Variants in ARMH3 observed in about 807,000 individuals in gnomAD.
ARMH3 encodes the protein armadillo-like helical domain-containing protein 3.
A neutral mutation model predicts 99.1 loss-of-function variants in ARMH3; 60 were observed. That is an observed-to-expected ratio of 0.61 (90% CI 0.49 to 0.75). ARMH3 has a LOEUF of 0.75. Among genes scored for constraint, ARMH3 ranks in the 30% least tolerant of loss-of-function variants. ARMH3 has a pLI of 0.00. For missense variants in ARMH3, 679 were observed against 843.1 expected, an observed-to-expected ratio of 0.81 and a Z score of 2.41; for synonymous variants, 285 against 292.8, an observed-to-expected ratio of 0.97 and a Z score of 0.27.
intron 24 of ARMH3, among the ~76,000 whole-genome samples, chr10:101,873,368 C>G (rs1335883168): frequency 6.6e-6 from 1 of 151,808 alleles, no homozygotes. Context: ...GCCGAGATCG[C>G]GCCACTGCAC....
rs186486200 is a variant in ARMH3, at chr10:101,961,923, G to A, written c.1496-4191C>T. 1.2e-3 allele frequency among the ~76,000 whole-genome samples: 181 copies of A among 152,360 alleles called. 1 individual carries two copies. The highest frequency in any genetic ancestry group is 2.8e-4 in the Non-Finnish European group (19 of 68,044). On this transcript the variant is annotated intron_variant, in intron 20 of 25. Coordinates refer to ENST00000370033, the MANE Select transcript of ARMH3 (RefSeq NM_024541.3). ...GTAAATGTTGCAGTCATGAAGATAT[G>A]AGGGACAGGATGTACCATTTAATTT...
chr10:101,969,617 A>AT (rs1196571559), intron 20 of ARMH3, among the ~76,000 whole-genome samples: 1 of 152,170 alleles, frequency 6.6e-6, no homozygotes, highest in African/African-American at 2.4e-5. Flanking sequence ...TGGGTTTTCC[A>AT]TTTTTCCCAG....
At chr10:101,900,558 G>C (rs1350116085) in intron 23 of ARMH3, among the ~76,000 whole-genome samples, 1 of 152,128 alleles carries the variant, frequency 6.6e-6, no homozygotes, top group Non-Finnish European at 1.5e-5. Context: ...ACAAAAACCT[G>C]AAATATTTTA....
At chr10:101,852,798 C>T (rs200566471) in intron 24 of ARMH3, among the ~76,000 whole-genome samples, 2 of 151,632 alleles carry the variant, frequency 1.3e-5, no homozygotes, top group Non-Finnish European at 2.9e-5. Flanking sequence ...AATCCAGAAG[C>T]CTGGCTGGAC....
At chr10:101,967,531 G>A (rs1281821849) in intron 20 of ARMH3, among the ~76,000 whole-genome samples, 1 of 152,200 alleles carries the variant, frequency 6.6e-6, no homozygotes, top group African/African-American at 2.4e-5. Flanking sequence ...AAGGTCAGGA[G>A]TTCAAGACCA....
Position 101,956,605 on chromosome 10 carries a change from T to C in ARMH3, c.1697A>G (p.Tyr566Cys), listed in dbSNP as rs758509939. 4 of 1,612,998 alleles carry C rather than the reference T, an allele frequency of 2.5e-6. No individual in the cohort carries two copies. The African/African-American group carries it at 4.0e-5, about 16-fold the overall frequency. ...AAGAAAAGGCAGCTTACCCATGGAG[T>C]AGAGGTTGTCAAAGCTCTGGTGCAT... Reference protein sequence around the residue: ...IRMHQSFDNLYSMVLRLSTNA... With the variant: ...IRMHQSFDNLCSMVLRLSTNA... The change falls in exon 22 of 26, where the codon TAC becomes TGC. Residue 566 changes from tyrosine (Y) to cysteine (C), a missense_variant. Transcript: ENST00000370033.
chr10:101,895,405 G>A (rs986723795), intron 23 of ARMH3, among the ~76,000 whole-genome samples: 1 of 150,618 alleles, frequency 6.6e-6, no homozygotes, highest in African/African-American at 2.4e-5. Context: ...TCAGCCTCCC[G>A]AGTAGCTGGG....
At chr10:101,922,092 G>A (rs1288600872) in intron 23 of ARMH3, among the ~76,000 whole-genome samples, 1 of 152,052 alleles carries the variant, frequency 6.6e-6, no homozygotes, top group Non-Finnish European at 1.5e-5. Flanking sequence ...CAAATATCAC[G>A]TGTACCCTAC....
intron 23 of ARMH3, 104 bp downstream of exon 23, chr10:101,939,758 CA>C: frequency 1.1e-6 from 1 of 945,794 alleles, no homozygotes; most frequent in East Asian, 2.5e-5. Context: ...CTACAGACAT[CA>C]AGGCTTAAAA....
chr10:101,878,860 C>T (rs1181430919), intron 24 of ARMH3, among the ~76,000 whole-genome samples: 1 of 151,978 alleles, frequency 6.6e-6, no homozygotes, highest in Non-Finnish European at 1.5e-5. Flanking sequence ...TAAGTCATCA[C>T]GTCCCTTTAG....
At chr10:101,866,849 T>C (rs61873588) in intron 24 of ARMH3, among the ~76,000 whole-genome samples, 7,467 of 152,244 alleles carry the variant, frequency 0.049, 202 homozygotes, top group Middle Eastern at 0.095. Flanking sequence ...GATGAATTTC[T>C]AGACACTATT....
At chr10:101,904,591 C>T (rs544675483) in intron 23 of ARMH3, among the ~76,000 whole-genome samples, 11 of 152,102 alleles carry the variant, frequency 7.2e-5, no homozygotes, top group Admixed American at 5.9e-4. Context: ...TAAAGCCTTT[C>T]GGCCGTCTTC....
At chr10:102,046,634 G>A (rs61873644) in intron 1 of ARMH3, among the ~76,000 whole-genome samples, 7,453 of 152,098 alleles carry the variant, frequency 0.049, 198 homozygotes, top group Middle Eastern at 0.095. Flanking sequence ...CCTGGGCAAC[G>A]AATGAAACTC....
rs183652081 is a variant in ARMH3 at position 102,040,002 on chromosome 10, G to A, written c.102+11C>T. 1.7e-5 allele frequency: 27 copies of A among 1,605,044 alleles called. No homozygotes were observed. Among genetic ancestry groups the A allele is most frequent in the African/African-American group, 5.3e-5 (4 of 74,826 alleles). ...GACTCAAGCTGTACACAACAAGGCC[G>A]CAGGCCTTACCATGAAGATCTCATC... On this transcript the variant is annotated intron_variant, in intron 2 of 25. Transcript: ENST00000370033.
chr10:101,912,235 A>C (rs985581640), intron 23 of ARMH3, among the ~76,000 whole-genome samples: 5 of 152,056 alleles, frequency 3.3e-5, no homozygotes, highest in African/African-American at 1.2e-4. Flanking sequence ...TCTACTAAAA[A>C]TACAAAAATT....
At chr10:101,924,507 G>T (rs1175365870) in intron 23 of ARMH3, among the ~76,000 whole-genome samples, 1 of 150,720 alleles carries the variant, frequency 6.6e-6, no homozygotes, top group Non-Finnish European at 1.5e-5. Flanking sequence ...GACTACAGGC[G>T]CCCGCCACCA....
intron 22 of ARMH3, among the ~76,000 whole-genome samples, chr10:101,946,561 T>C (rs544805145): frequency 6.6e-6 from 1 of 152,198 alleles, no homozygotes; most frequent in African/African-American, 2.4e-5. Context: ...AATAGCAGAA[T>C]AGACTGACAA....
chr10:101,856,240 T>C (rs1427818799), intron 24 of ARMH3, among the ~76,000 whole-genome samples: 1 of 152,210 alleles, frequency 6.6e-6, no homozygotes, highest in African/African-American at 2.4e-5. Context: ...ACCCTGTTGA[T>C]AGTTGGTGTA....
chr10:101,960,034 T>G lies in ARMH3; in HGVS notation c.1496-2302A>C, dbSNP rs376182150. 4.2e-4 allele frequency among the ~76,000 whole-genome samples: 64 copies of G among 152,170 alleles called. 2 individuals are homozygous for G. Among genetic ancestry groups the G allele is most frequent in the African/African-American group, 1.5e-3 (63 of 41,524 alleles). On this transcript the variant is annotated intron_variant, in intron 20 of 25. Transcript: ENST00000370033. Reference sequence around the variant, plus strand: ...CTCTACTAAAATACAAAAAATTAGCTGGGCGTGGCGGTGTGCGCCTGTAGG... The same window carrying G: ...CTCTACTAAAATACAAAAAATTAGCGGGGCGTGGCGGTGTGCGCCTGTAGG...
Sources: allele counts gnomAD v4.1 joint callset (sites outside exome capture counted in the v4.1 genomes callset), GRCh38; gene constraint gnomAD v4.1.1; transcripts MANE v1.5; gene names NCBI Gene and HGNC (gene_info 2026-07-23, HGNC 2026-07-21).